PTPRD: variants seen among roughly 807,000 people sequenced by gnomAD.
PTPRD encodes the protein receptor-type tyrosine-protein phosphatase delta.
In PTPRD, 34 loss-of-function variants were observed where a neutral mutation model predicts 214.5. The observed-to-expected ratio is 0.16, with a 90% CI of 0.12 to 0.21. The LOEUF is 0.21. Among genes scored for constraint, PTPRD ranks in the 10% least tolerant of loss-of-function variants. PTPRD has a pLI of 1.00. For missense variants in PTPRD, 2,545 were observed against 2,398.7 expected (o/e 1.06, Z -1.27); for synonymous variants, 1,128 against 845.7 (o/e 1.33, Z -5.79).
At chr9:9,629,527 G>C (rs890203604) in intron 7 of PTPRD, among the ~76,000 whole-genome samples, 1 of 152,032 alleles carries the variant, frequency 6.6e-6, no homozygotes, top group African/African-American at 2.4e-5. Flanking sequence ...AAGACCTATA[G>C]CTGAGAAATT....
intron 11 of PTPRD, among the ~76,000 whole-genome samples, chr9:8,756,993 T>A (rs1453810182): frequency 6.6e-6 from 1 of 151,866 alleles, no homozygotes; most frequent in Non-Finnish European, 1.5e-5. Context: ...ATACAAAAAA[T>A]TAGCGGGGTA....
chr9:10,471,923 G>C (rs1206758164), intron 2 of PTPRD, among the ~76,000 whole-genome samples: 1 of 151,892 alleles, frequency 6.6e-6, no homozygotes, highest in Non-Finnish European at 1.5e-5. Flanking sequence ...AAATATCAAA[G>C]AAGTCACAAG....
chr9:9,131,684 G>A (rs2099842883), intron 10 of PTPRD, among the ~76,000 whole-genome samples: 1 of 152,050 alleles, frequency 6.6e-6, no homozygotes, highest in African/African-American at 2.4e-5. Context: ...ATCAGTATAT[G>A]CCCAAAGAGT....
intron 9 of PTPRD, among the ~76,000 whole-genome samples, chr9:9,384,953 A>C (rs2063449935): frequency 6.6e-6 from 1 of 152,130 alleles, no homozygotes; most frequent in Admixed American, 6.6e-5. Flanking sequence ...GATTGAGCAT[A>C]TATATGTTCA....
intron 3 of PTPRD, among the ~76,000 whole-genome samples, chr9:10,241,450 C>A (rs1236662275): frequency 6.6e-6 from 1 of 151,896 alleles, no homozygotes; most frequent in African/African-American, 2.4e-5. Context: ...CAAGAGTAGA[C>A]GGCCTTCAAC....
chr9:10,304,759 G>T (rs1034716240), intron 3 of PTPRD, among the ~76,000 whole-genome samples: 1 of 152,050 alleles, frequency 6.6e-6, no homozygotes, highest in Non-Finnish European at 1.5e-5. Flanking sequence ...AAATAAGAGA[G>T]GACACAAACA....
intron 5 of PTPRD, among the ~76,000 whole-genome samples, chr9:9,923,921 G>C (rs1338247384): frequency 6.6e-6 from 1 of 152,004 alleles, no homozygotes; most frequent in Non-Finnish European, 1.5e-5. Context: ...CAACCAGTGA[G>C]AGGGGAGCAG....
At chr9:9,596,633 G>C (rs1437128638) in intron 7 of PTPRD, among the ~76,000 whole-genome samples, 1 of 151,946 alleles carries the variant, frequency 6.6e-6, no homozygotes, top group Non-Finnish European at 1.5e-5. Flanking sequence ...CAAATAAAAA[G>C]CTGAATTCAT....
intron 5 of PTPRD, among the ~76,000 whole-genome samples, chr9:9,768,728 A>G (rs2098726893): frequency 6.6e-6 from 1 of 152,206 alleles, no homozygotes; most frequent in South Asian, 2.1e-4. Context: ...GTCACATAAG[A>G]ATCCAATTGT....
intron 8 of PTPRD, among the ~76,000 whole-genome samples, chr9:9,540,737 T>C (rs1411763811): frequency 6.6e-6 from 1 of 151,870 alleles, no homozygotes; most frequent in African/African-American, 2.4e-5. Context: ...AAATCTCCTC[T>C]TTTGGTTTCT....
At chr9:9,492,499 A>G (rs2095961330) in intron 8 of PTPRD, among the ~76,000 whole-genome samples, 1 of 152,160 alleles carries the variant, frequency 6.6e-6, no homozygotes, top group Admixed American at 6.5e-5. Flanking sequence ...CCAAAATGGT[A>G]CAACATATGA....
intron 5 of PTPRD, among the ~76,000 whole-genome samples, chr9:9,878,803 A>G (rs991232993): frequency 5.3e-5 from 8 of 152,102 alleles, no homozygotes; most frequent in African/African-American, 1.9e-4. Flanking sequence ...GGCTTTTATC[A>G]CATGTATTAT....
chr9:8,492,614 CAAAAA>C lies in PTPRD; in HGVS notation c.2467+243_2467+247del, dbSNP rs34457270. Among the ~76,000 whole-genome samples, 771 of 104,592 alleles carry C rather than the reference CAAAAA, an allele frequency of 7.4e-3. 7 individuals are homozygous for C. The highest frequency in any genetic ancestry group is 0.014 in the African/African-American group (417 of 30,752). The allele number at this position is 104,592 out of a possible 152,430, so 68.6% of individuals were successfully genotyped here. A position where few individuals can be genotyped will look rare whatever the true frequency, so the allele number is the denominator to read the frequency against. ...CAGTGCCTGACACACAGAAGGTGCT[CAAAAA>C]AAAAAAAAAAAAAAATACTTATTGA... On this transcript the variant is annotated intron_variant, in intron 27 of 45. Transcript: ENST00000381196.
intron 14 of PTPRD, among the ~76,000 whole-genome samples, chr9:8,531,768 G>A (rs946852184): frequency 6.6e-6 from 1 of 152,064 alleles, no homozygotes; most frequent in East Asian, 1.9e-4. Flanking sequence ...CCAATATTCA[G>A]TGCTGATCAG....
intron 35 of PTPRD, among the ~76,000 whole-genome samples, chr9:8,423,027 G>A (rs940428187): frequency 2.0e-5 from 3 of 152,150 alleles, no homozygotes; most frequent in African/African-American, 4.8e-5. Flanking sequence ...CTCGACCTAA[G>A]CCTGCAGGGA....
At chr9:10,221,394 G>T (rs919244274) in intron 3 of PTPRD, among the ~76,000 whole-genome samples, 10 of 151,624 alleles carry the variant, frequency 6.6e-5, no homozygotes, top group African/African-American at 2.2e-4. Flanking sequence ...TAAAAAACAT[G>T]GATTCTAGAA....
At chr9:9,302,607 T>TTC (rs1955800820) in intron 9 of PTPRD, among the ~76,000 whole-genome samples, 1 of 119,502 alleles carries the variant, frequency 8.4e-6, no homozygotes, top group African/African-American at 3.1e-5. Context: ...TTTTCTTTTT[T>TTC]TTTTTTTTTT....
rs1194772518 is a variant in PTPRD at position 10,071,921 on chromosome 9, AATT to A, written c.-544-38134_-544-38132del. ...TCAATTTTTTTCGTTTTTTTAAAAT[AATT>A]ATTATCTACTAAATTATATATTCTG... On this transcript the variant is annotated intron_variant, in intron 3 of 45. Coordinates refer to ENST00000381196, the MANE Select transcript of PTPRD (RefSeq NM_002839.4). Among the ~76,000 whole-genome samples, 6 of 152,028 alleles carry A rather than the reference AATT, an allele frequency of 3.9e-5. No homozygotes were observed. The East Asian group carries it at 5.8e-4, about 15-fold the overall frequency.
chr9:10,506,816 G>C (rs1482847273), intron 2 of PTPRD, among the ~76,000 whole-genome samples: 1 of 152,008 alleles, frequency 6.6e-6, no homozygotes, highest in Non-Finnish European at 1.5e-5. Flanking sequence ...ATTTGGGTTT[G>C]CGTGATATTT....
Sources: gnomAD v4.1 joint callset for allele counts (sites outside exome capture counted in the v4.1 genomes callset) on GRCh38, gnomAD v4.1.1 for gene constraint, MANE v1.5 for transcripts, NCBI Gene and HGNC (gene_info 2026-07-23, HGNC 2026-07-21) for gene names.